The following DPP6 variants were observed in gnomAD, a reference collection of about 807,000 sequenced individuals.
DPP6 encodes A-type potassium channel modulatory protein DPP6.
Under a neutral mutation model 122.6 loss-of-function variants are expected in DPP6, and 69 were observed. The ratio of observed to expected loss-of-function variants is 0.56; its 90% CI spans 0.46 to 0.69. DPP6 has a LOEUF of 0.69. Among genes scored for constraint, DPP6 ranks in the 30% least tolerant of loss-of-function variants. The pLI, the probability that DPP6 is intolerant of heterozygous loss-of-function variation, is 0.00. For missense variants in DPP6, 928 were observed against 1,116.9 expected (o/e 0.83, Z 2.41); for synonymous variants, 418 against 433.1 (o/e 0.97, Z 0.43).
chr7:154,150,277 CA>C (rs1320269865), intron 1 of DPP6, among the ~76,000 whole-genome samples: 1 of 152,134 alleles, frequency 6.6e-6, no homozygotes, highest in Non-Finnish European at 1.5e-5. Flanking sequence ...CAAGGCCCCC[CA>C]CTTGCCCTCA....
rs186591074 is a variant in DPP6 at position 153,988,060 on chromosome 7, C to T, written c.51+100326C>T. On this transcript the variant is annotated intron_variant, in intron 1 of 25. Transcript: ENST00000404039. ...AACAACCAGAGCTGCTCAGCAACTGCTCTCTAATTACCCTTTGTCCCTGGA... is the reference window on the plus strand; with the variant it reads ...AACAACCAGAGCTGCTCAGCAACTGTTCTCTAATTACCCTTTGTCCCTGGA... Among the ~76,000 whole-genome samples, 13 of 152,322 alleles carry T rather than the reference C, an allele frequency of 8.5e-5. No individual in the cohort carries two copies. The East Asian group carries it at 2.3e-3, about 27-fold the overall frequency.
intron 3 of DPP6, among the ~76,000 whole-genome samples, chr7:154,484,995 T>A (rs1474113718): frequency 6.6e-6 from 1 of 151,896 alleles, no homozygotes; most frequent in Admixed American, 6.6e-5. Context: ...TGGGGTTAGG[T>A]AGAGGGGGGA....
intron 1 of DPP6, among the ~76,000 whole-genome samples, chr7:154,066,873 T>C (rs1368532816): frequency 1.3e-5 from 2 of 151,954 alleles, no homozygotes; most frequent in Admixed American, 6.6e-5. Context: ...GTCTGTCCCA[T>C]GAAGAGTCTA....
At chr7:154,007,168 G>A (rs1406535123) in intron 1 of DPP6, among the ~76,000 whole-genome samples, 2 of 152,170 alleles carry the variant, frequency 1.3e-5, no homozygotes, top group Non-Finnish European at 2.9e-5. Context: ...TGACTGCAGA[G>A]GAAACACCAT....
intron 2 of DPP6, among the ~76,000 whole-genome samples, chr7:154,447,422 C>A (rs928167574): frequency 6.6e-6 from 1 of 151,738 alleles, no homozygotes; most frequent in Non-Finnish European, 1.5e-5. Context: ...TTTGTGCAGG[C>A]AAAAAAGTTT....
intron 8 of DPP6, among the ~76,000 whole-genome samples, chr7:154,744,565 G>T (rs1420315695): frequency 1.3e-5 from 2 of 152,242 alleles, no homozygotes; most frequent in African/African-American, 4.8e-5. Flanking sequence ...AGTGAAGGAG[G>T]CTGCGAGCCT....
In DPP6 at chr7:154,618,786, C is replaced by G. The variant is rs887383252; in HGVS notation, c.628-19035C>G. 3.3e-5 allele frequency among the ~76,000 whole-genome samples: 5 copies of G among 152,188 alleles called. No individual in the cohort carries two copies. The highest frequency in any genetic ancestry group is 1.3e-4 in the Admixed American group (2 of 15,270). On this transcript the variant is annotated intron_variant, in intron 5 of 25. Coordinates refer to ENST00000377770, the MANE Select transcript of DPP6 (RefSeq NM_130797.4). This position sits in a 1 kb window ranked among gnomAD's most constrained non-coding sequence, Gnocchi z 4.1. ...CATGTAATCTCAGCACTATTATCAT[C>G]TGCATGTCACAGAGGAGGGAGCTGA...
chr7:154,685,668 A>C (rs3807235), intron 7 of DPP6, among the ~76,000 whole-genome samples: 128,800 of 152,240 alleles, frequency 0.85, 54,618 homozygotes, highest in South Asian at 0.93. Flanking sequence ...TGAATATAAA[A>C]TTGCTGGTCA....
chr7:154,586,076 A>G (rs2130700630), intron 5 of DPP6, among the ~76,000 whole-genome samples: 1 of 152,016 alleles, frequency 6.6e-6, no homozygotes, highest in African/African-American at 2.4e-5. Context: ...TATGCAGTGG[A>G]GGGGCAAGCA....
chr7:154,009,907 T>C (rs1279619713), intron 1 of DPP6, among the ~76,000 whole-genome samples: 1 of 152,136 alleles, frequency 6.6e-6, no homozygotes, highest in South Asian at 2.1e-4. Flanking sequence ...TAATTAGGCA[T>C]TTCATCCAAC....
intron 5 of DPP6, among the ~76,000 whole-genome samples, chr7:154,575,156 C>A (rs1260214471): frequency 1.1e-4 from 7 of 61,124 alleles, no homozygotes; most frequent in Admixed American, 3.7e-4. Context: ...TGTGTGTGGT[C>A]TGTGTGTATG....
chr7:153,842,900 TTGAG>T, the DPP6 span, among the ~76,000 whole-genome samples: 1 of 152,210 alleles, frequency 6.6e-6, no homozygotes, highest in Non-Finnish European at 1.5e-5. Context: ...TATCACTTGT[TTGAG>T]TATCTCCAAG....
At position 154,755,060 on chromosome 7, in the gene DPP6, A is replaced by T. The variant is rs7805920; in HGVS notation, c.884-14357A>T. ...TAAAACCTAGATGACGGGTTGATAG[A>T]TGCAGCAAACCACCACGGCACATGT... On this transcript the variant is annotated intron_variant, in intron 8 of 25. Coordinates refer to ENST00000377770, the MANE Select transcript of DPP6 (RefSeq NM_130797.4). The surrounding 1 kb of genome is among the most constrained non-coding windows in gnomAD (Gnocchi z 4.7). Among the ~76,000 whole-genome samples the T allele has an allele frequency of 0.23, 35,513 of 151,176 alleles. 4,421 individuals are homozygous for T. The highest frequency in any genetic ancestry group is 0.29 in the African/African-American group (11,904 of 41,088).
upstream of DPP6, among the ~76,000 whole-genome samples, chr7:154,049,304 T>TTG (rs66669803): frequency 0.077 from 9,405 of 121,696 alleles, 129 homozygotes; most frequent in African/African-American, 0.14. Context: ...TTTTCCTTGT[T>TTG]TGTGTGTGTG....
rs1013590988 is a variant in DPP6, at chr7:154,324,413, C to T, written c.244-121801C>T. Among the ~76,000 whole-genome samples the T allele has an allele frequency of 3.6e-4, 55 of 152,206 alleles. 2 individuals carry two copies. The highest frequency in any genetic ancestry group is 2.0e-4 in the Admixed American group (3 of 15,288). ...CAGGCTGATGCCGGATGGGTCTCCA[C>T]TGGCCTCTTCTCTGGACTTCTCTGG... On this transcript the variant is annotated intron_variant, in intron 1 of 25. Coordinates refer to ENST00000377770, the MANE Select transcript of DPP6 (RefSeq NM_130797.4).
At chr7:154,500,935 T>G (rs1329840478) in intron 3 of DPP6, among the ~76,000 whole-genome samples, 4 of 152,194 alleles carry the variant, frequency 2.6e-5, no homozygotes, top group Non-Finnish European at 5.9e-5. Flanking sequence ...TGAATGGCTT[T>G]TCCCAAAATG....
chr7:153,823,510 T>G, the DPP6 span, among the ~76,000 whole-genome samples: 2 of 150,572 alleles, frequency 1.3e-5, no homozygotes, highest in Non-Finnish European at 3.0e-5. Flanking sequence ...GACAGCCCTG[T>G]CCTGAAGCTA....
intron 1 of DPP6, among the ~76,000 whole-genome samples, chr7:153,927,436 G>A (rs1800952691): frequency 6.6e-6 from 1 of 152,132 alleles, no homozygotes; most frequent in Non-Finnish European, 1.5e-5. Flanking sequence ...ATATTTTGGT[G>A]GACACCCTTT....
At chr7:154,210,234 C>CT (rs890063078) in intron 1 of DPP6, among the ~76,000 whole-genome samples, 5 of 152,156 alleles carry the variant, frequency 3.3e-5, no homozygotes, top group African/African-American at 1.2e-4. Flanking sequence ...GAAGTTCATG[C>CT]TGTCATTAGG....
Sources: gnomAD v4.1 joint callset for allele counts (sites outside exome capture counted in the v4.1 genomes callset) on GRCh38, gnomAD v4.1.1 for gene constraint, Gnocchi (gnomAD v3.1) non-coding constraint, MANE v1.5 for transcripts, NCBI Gene and HGNC (gene_info 2026-07-23, HGNC 2026-07-21) for gene names.